CREBBP: variants seen among roughly 807,000 people sequenced by gnomAD.
CREBBP encodes the protein CREB binding lysine acetyltransferase.
Under a neutral mutation model 265.0 loss-of-function variants are expected in CREBBP, and 19 were observed. The observed-to-expected ratio is 0.07, with a 90% CI of 0.05 to 0.11. The LOEUF is 0.11. CREBBP is among the 10% of genes least tolerant of loss of function. CREBBP has a pLI of 1.00. For missense variants in CREBBP, 2,525 were observed against 3,219.0 expected (o/e 0.78, Z 5.22); for synonymous variants, 1,457 against 1,223.7 (o/e 1.19, Z -3.98).
intron 2 of CREBBP, among the ~76,000 whole-genome samples, chr16:3,835,827 G>A (rs1023149066): frequency 2.6e-5 from 4 of 151,624 alleles, no homozygotes; most frequent in Non-Finnish European, 5.9e-5. Flanking sequence ...TGATCCACCC[G>A]CCTTGGCCTC....
At chr16:3,831,866 G>A (rs2054349614) in intron 2 of CREBBP, among the ~76,000 whole-genome samples, 1 of 152,054 alleles carries the variant, frequency 6.6e-6, no homozygotes. Flanking sequence ...GCATGGTGGT[G>A]TGCGCCTGTA....
At chr16:3,820,245 T>C (rs1011813306) in intron 2 of CREBBP, among the ~76,000 whole-genome samples, 8 of 152,256 alleles carry the variant, frequency 5.3e-5, no homozygotes, top group African/African-American at 1.7e-4. Context: ...AAGACATGAC[T>C]GCATTCAGTT....
intron 2 of CREBBP, among the ~76,000 whole-genome samples, chr16:3,834,722 T>C (rs2061544059): frequency 6.6e-6 from 1 of 152,162 alleles, no homozygotes; most frequent in Non-Finnish European, 1.5e-5. Context: ...TGACAAACTG[T>C]ACCATTCTAG....
intron 23 of CREBBP, chr16:3,743,457 C>A: frequency 6.6e-6 from 1 of 152,432 alleles, no homozygotes. Context: ...TGGCTTCCTC[C>A]TCCCCTTCCC....
chr16:3,857,579 G>A (rs1443964629), intron 1 of CREBBP, among the ~76,000 whole-genome samples: 4 of 151,952 alleles, frequency 2.6e-5, no homozygotes, highest in Non-Finnish European at 5.9e-5. Context: ...AGAGCAATCT[G>A]TATCATCGGA....
At chr16:3,859,613 AG>A (rs2055032138) in intron 1 of CREBBP, among the ~76,000 whole-genome samples, 1 of 152,168 alleles carries the variant, frequency 6.6e-6, no homozygotes, top group African/African-American at 2.4e-5. Flanking sequence ...TGGGACTTTC[AG>A]CCCATCCTTA....
chr16:3,871,549 C>T (rs1211481400), intron 1 of CREBBP, among the ~76,000 whole-genome samples: 1 of 152,214 alleles, frequency 6.6e-6, no homozygotes. Flanking sequence ...TGTCCTCATT[C>T]AGTTTGTAAT....
chr16:3,852,954 A>G (rs1004256047), intron 1 of CREBBP, among the ~76,000 whole-genome samples: 1 of 150,692 alleles, frequency 6.6e-6, no homozygotes, highest in Admixed American at 6.6e-5. Context: ...TCTTAGTATT[A>G]TCTGTAGCAT....
chr16:3,768,042 C>T, intron 15 of CREBBP, 133 bp from the exon 16 acceptor site: 1 of 774,758 alleles, frequency 1.3e-6, no homozygotes, highest in Non-Finnish European at 2.2e-6. Context: ...ATTTATGATT[C>T]CTCTTCTCTT....
chr16:3,782,476 A>C (rs555807159), intron 6 of CREBBP, among the ~76,000 whole-genome samples: 120 of 152,344 alleles, frequency 7.9e-4, no homozygotes, highest in Non-Finnish European at 1.2e-3. Context: ...CAACAAAAAC[A>C]TTGCTTCATT....
chr16:3,779,375 A>C (rs1481097717), intron 8 of CREBBP, among the ~76,000 whole-genome samples: 2 of 151,896 alleles, frequency 1.3e-5, no homozygotes, highest in African/African-American at 4.8e-5. Context: ...GAGTTTTATT[A>C]TGTTGCCCCG....
intron 16 of CREBBP, among the ~76,000 whole-genome samples, chr16:3,761,929 C>A (rs2052729496): frequency 6.6e-6 from 1 of 152,142 alleles, no homozygotes; most frequent in Admixed American, 6.5e-5. Context: ...ACCAAGAGGC[C>A]AAATGTGGCC....
At chr16:3,796,917 T>C (rs1006903259) in intron 3 of CREBBP, among the ~76,000 whole-genome samples, 4 of 152,230 alleles carry the variant, frequency 2.6e-5, no homozygotes, top group African/African-American at 9.6e-5. Context: ...TCCCTGTCTC[T>C]GTCTTTCCCC....
intron 3 of CREBBP, among the ~76,000 whole-genome samples, chr16:3,800,274 C>T (rs1381818453): frequency 2.0e-5 from 3 of 152,136 alleles, no homozygotes; most frequent in South Asian, 2.1e-4. Flanking sequence ...TGCATCACGA[C>T]GCCCAGCTAA....
At chr16:3,875,905 C>G (rs1200042465) in intron 1 of CREBBP, among the ~76,000 whole-genome samples, 3 of 152,184 alleles carry the variant, frequency 2.0e-5, no homozygotes, top group African/African-American at 4.8e-5. Flanking sequence ...TATTCGCCAC[C>G]AGCTTTCTTT....
intron 20 of CREBBP, among the ~76,000 whole-genome samples, chr16:3,751,108 T>C (rs1036974604): frequency 6.6e-6 from 1 of 151,462 alleles, no homozygotes; most frequent in African/African-American, 2.4e-5. Flanking sequence ...ATGGAACCAC[T>C]AGGAAAAAGC....
Position 3,731,303 on chromosome 16 carries a change from G to A in CREBBP, c.5061C>T (p.Ser1687=). ...EFSSLRRSKW[S]TLCMLVELHT... is the part of the protein sequence containing the mutation. ...GCAGCTCCACCAGCATGCAGAGCGT[G>A]GACCACTTGGAGCGGCGCAAGGAGG... The change falls in exon 30 of 31, where the codon TCC becomes TCT. Residue 1687 remains serine, a synonymous_variant. Transcript: ENST00000262367. This position sits in a 1 kb window ranked among gnomAD's most constrained non-coding sequence, Gnocchi z 7.7. 1 of 1,614,170 alleles carries A rather than the reference G, an allele frequency of 6.2e-7. No homozygotes were observed. Among genetic ancestry groups the A allele is most frequent in the Non-Finnish European group, 8.5e-7 (1 of 1,180,014 alleles).
Position 3,780,767 on chromosome 16 carries a change from G to T in CREBBP, c.1788C>A (p.Val596=), listed in dbSNP as rs2053255292. The change falls in exon 8 of 31, where the codon GTC becomes GTA. Residue 596 remains valine (V), a synonymous_variant. Transcript: ENST00000262367. The stretch of plus-strand genomic sequence containing the variant: ...CTAGATGGCTCCGCAGGTCCTGAGT[G>T]ACATGTTCGTGCCAGCCTTTCCTTA... The part of the protein sequence containing the change: ...TGVRKGWHEH[V]TQDLRSHLVH... 6.2e-7 allele frequency: 1 copy of T among 1,614,112 alleles called. No individual in the cohort carries two copies. The highest frequency in any genetic ancestry group is 1.3e-5 in the African/African-American group (1 of 75,046).
At chr16:3,800,650 G>C (rs1314210253) in intron 3 of CREBBP, among the ~76,000 whole-genome samples, 1 of 152,056 alleles carries the variant, frequency 6.6e-6, no homozygotes, top group Non-Finnish European at 1.5e-5. Flanking sequence ...CAATGCTATA[G>C]TCTCCCACGA....
Sources: gnomAD v4.1 joint callset for allele counts (sites outside exome capture counted in the v4.1 genomes callset) on GRCh38, gnomAD v4.1.1 for gene constraint, Gnocchi (gnomAD v3.1) non-coding constraint, MANE v1.5 for transcripts, NCBI Gene and HGNC (gene_info 2026-07-23, HGNC 2026-07-21) for gene names.